The following PLPPR5 variants were observed in gnomAD, a reference collection of about 807,000 sequenced individuals.
The protein encoded by PLPPR5 is phospholipid phosphatase related 5.
PLPPR5 carries 16 observed loss-of-function variants against 33.9 expected under a neutral mutation model. The observed-to-expected ratio is 0.47, with a 90% confidence interval of 0.32 to 0.72. PLPPR5 has a LOEUF of 0.72. PLPPR5 is among the 30% of genes least tolerant of loss of function. The pLI is 0.03. For synonymous variants in PLPPR5, 163 were observed against 150.3 expected (o/e 1.08, Z -0.62); for missense variants, 301 against 406.7 (o/e 0.74, Z 2.23).
chr1:98,898,750 T>G (rs1290773655), intron 5 of PLPPR5, among the ~76,000 whole-genome samples: 2 of 152,156 alleles, frequency 1.3e-5, no homozygotes, highest in Non-Finnish European at 2.9e-5. Flanking sequence ...GTGACTTTTT[T>G]GGGGGACTAT....
At chr1:98,943,925 C>G (rs986853615) in intron 3 of PLPPR5, among the ~76,000 whole-genome samples, 1 of 152,172 alleles carries the variant, frequency 6.6e-6, no homozygotes, top group Non-Finnish European at 1.5e-5. Context: ...TCACCTGGTA[C>G]AGGCAATTCC....
chr1:98,937,927 T>C (rs1650232635), intron 3 of PLPPR5, among the ~76,000 whole-genome samples: 1 of 152,214 alleles, frequency 6.6e-6, no homozygotes, highest in Non-Finnish European at 1.5e-5. Flanking sequence ...ATAAGCATAC[T>C]TTTGTTACAT....
chr1:98,961,851 G>A (rs1651260945), intron 1 of PLPPR5, among the ~76,000 whole-genome samples: 1 of 152,096 alleles, frequency 6.6e-6, no homozygotes, highest in African/African-American at 2.4e-5. Flanking sequence ...CCTGACAGAA[G>A]CTCTCCCTGG....
intron 5 of PLPPR5, among the ~76,000 whole-genome samples, chr1:98,895,402 G>C (rs1348784304): frequency 6.6e-6 from 1 of 151,934 alleles, no homozygotes; most frequent in Non-Finnish European, 1.5e-5. Context: ...TACCCAGATT[G>C]TGGTATTCTG....
chr1:98,982,681 A>C (rs1430489993), intron 1 of PLPPR5, among the ~76,000 whole-genome samples: 2 of 152,060 alleles, frequency 1.3e-5, no homozygotes, highest in Non-Finnish European at 2.9e-5. Flanking sequence ...CTTTGAATTA[A>C]ATGTGTTGTA....
rs190842500 is a variant in PLPPR5, at chr1:98,900,947, T to C, written c.934-7843A>G. On this transcript the variant is annotated intron_variant, in intron 5 of 5. Coordinates refer to ENST00000263177, the MANE Select transcript of PLPPR5 (RefSeq NM_001037317.2). The stretch of plus-strand genomic sequence containing the variant: ...AAAATGTTTTATAAAGGTAAATATA[T>C]GTTTACCATACAACCTGGCAATCTC... 1.3e-4 allele frequency among the ~76,000 whole-genome samples: 20 copies of C among 152,316 alleles called. 1 individual carries two copies. Among genetic ancestry groups the C allele is most frequent in the Admixed American group, 1.2e-3 (19 of 15,280 alleles).
intron 1 of PLPPR5, among the ~76,000 whole-genome samples, chr1:98,972,088 G>A (rs1330166410): frequency 6.6e-6 from 1 of 152,010 alleles, no homozygotes; most frequent in African/African-American, 2.4e-5. Flanking sequence ...AACCCTCAAT[G>A]AGAAGAAAGA....
At chr1:99,002,681 T>C (rs1000421159) in intron 1 of PLPPR5, among the ~76,000 whole-genome samples, 6 of 152,106 alleles carry the variant, frequency 3.9e-5, no homozygotes, top group African/African-American at 1.4e-4. Flanking sequence ...ATTGGGTGAG[T>C]GTGCTCTCGT....
At chr1:98,939,836 C>T (rs924624739) in intron 3 of PLPPR5, among the ~76,000 whole-genome samples, 2 of 151,926 alleles carry the variant, frequency 1.3e-5, no homozygotes, top group Non-Finnish European at 2.9e-5. Flanking sequence ...CCTGCTCATT[C>T]CCTGAGCCTC....
At position 99,000,389 on chromosome 1, in the gene PLPPR5, T is replaced by C. The variant is rs545802173; in HGVS notation, c.237+4046A>G. On this transcript the variant is annotated intron_variant, in intron 1 of 5. Transcript: ENST00000263177. ...ACCACCACCCATCAAACTTTATCTC[T>C]GCTAAATTCCTACCAAACTGAGAAA... Among the ~76,000 whole-genome samples the C allele has an allele frequency of 3.3e-5, 5 of 152,324 alleles. No homozygotes were observed. In the South Asian group the frequency reaches 1.0e-3, roughly 32 times the overall value.
At chr1:98,893,755 C>T (rs548230352) in intron 5 of PLPPR5, among the ~76,000 whole-genome samples, 1 of 149,904 alleles carries the variant, frequency 6.7e-6, no homozygotes, top group South Asian at 2.1e-4. Flanking sequence ...TGAAAAACTA[C>T]TATTACATAA....
Position 98,990,325 on chromosome 1 carries a change from C to T in PLPPR5, c.237+14110G>A, listed in dbSNP as rs570189415. On this transcript the variant is annotated intron_variant, in intron 1 of 5. Transcript: ENST00000263177. ...TGGAGGTTACAGTGAGCTGAGATCG[C>T]GCCACTATACTTCCCCCTGGGTGAC... Among the ~76,000 whole-genome samples, 41 of 152,144 alleles carry T rather than the reference C, an allele frequency of 2.7e-4. 1 individual carries two copies. In the South Asian group the frequency reaches 7.1e-3, roughly 26 times the overall value.
At chr1:98,943,961 A>C (rs2101196432) in intron 3 of PLPPR5, among the ~76,000 whole-genome samples, 1 of 152,292 alleles carries the variant, frequency 6.6e-6, no homozygotes, top group Middle Eastern at 3.4e-3. Flanking sequence ...TGTCAGTGCT[A>C]TATTAACCCT....
At chr1:98,951,972 C>A (rs71659116) in intron 3 of PLPPR5, among the ~76,000 whole-genome samples, 3 of 152,238 alleles carry the variant, frequency 2.0e-5, no homozygotes, top group African/African-American at 7.2e-5. Context: ...ACATTTAATT[C>A]TCTGATCTGG....
At chr1:98,971,237 T>C (rs1302155737) in intron 1 of PLPPR5, among the ~76,000 whole-genome samples, 1 of 152,054 alleles carries the variant, frequency 6.6e-6, no homozygotes, top group Non-Finnish European at 1.5e-5. Context: ...TCAGATAATA[T>C]TAACAGGAAG....
chr1:98,948,311 T>C (rs115777576), intron 3 of PLPPR5, among the ~76,000 whole-genome samples: 1 of 152,132 alleles, frequency 6.6e-6, no homozygotes, highest in African/African-American at 2.4e-5. Context: ...GTGAGCTTAT[T>C]ATAAAAGATG....
intron 5 of PLPPR5, among the ~76,000 whole-genome samples, chr1:98,899,190 G>A (rs1380035621): frequency 6.6e-6 from 1 of 152,090 alleles, no homozygotes; most frequent in East Asian, 1.9e-4. Flanking sequence ...CCAATATTGA[G>A]AACCACTGTG....
At chr1:98,988,402 G>GA (rs1448349841) in intron 1 of PLPPR5, among the ~76,000 whole-genome samples, 1 of 151,944 alleles carries the variant, frequency 6.6e-6, no homozygotes, top group South Asian at 2.1e-4. Flanking sequence ...TGTTTATGAA[G>GA]AAAAAATATA....
intron 5 of PLPPR5, among the ~76,000 whole-genome samples, chr1:98,904,783 T>A (rs920473604): frequency 6.6e-6 from 1 of 152,020 alleles, no homozygotes; most frequent in African/African-American, 2.4e-5. Context: ...TATCTGTTAA[T>A]TACAAAGGAG....
Sources: gnomAD v4.1 joint callset for allele counts (sites outside exome capture counted in the v4.1 genomes callset) on GRCh38, gnomAD v4.1.1 for gene constraint, MANE v1.5 for transcripts, NCBI Gene and HGNC (gene_info 2026-07-23, HGNC 2026-07-21) for gene names.